Variants in TTLL7 observed in about 807,000 individuals in gnomAD.
TTLL7 encodes tubulin tyrosine ligase like 7, also known as tubulin polyglutamylase TTLL7.
Under a neutral mutation model 120.2 loss-of-function variants are expected in TTLL7, and 53 were observed. That is an observed-to-expected ratio of 0.44 (90% CI 0.35 to 0.55). The LOEUF is 0.55. Among genes scored for constraint, TTLL7 ranks in the 20% least tolerant of loss-of-function variants. The pLI is 0.00. For missense variants in TTLL7, 803 were observed against 1,054.7 expected, an observed-to-expected ratio of 0.76 and a Z score of 3.31; for synonymous variants, 353 against 351.7, an observed-to-expected ratio of 1.00 and a Z score of -0.04.
chr1:83,981,723 T>C lies in TTLL7; in HGVS notation c.-177+17208A>G, dbSNP rs191333179. ...GGCGGGCGCCTGTAGTCCCCGCTAC[T>C]CAGGAGGCTGAGGCAGGAGAATGGT... On this transcript the variant is annotated intron_variant, in intron 1 of 20. Transcript: ENST00000260505. 7.2e-5 allele frequency among the ~76,000 whole-genome samples: 11 copies of C among 151,824 alleles called. No individual in the cohort carries two copies. The East Asian group carries it at 2.1e-3, about 30-fold the overall frequency.
chr1:83,920,308 T>C (rs1267501886), intron 12 of TTLL7, among the ~76,000 whole-genome samples: 1 of 152,098 alleles, frequency 6.6e-6, no homozygotes, highest in East Asian at 1.9e-4. Flanking sequence ...CTGAACTTTA[T>C]AGGAGAGTGT....
intron 19 of TTLL7, among the ~76,000 whole-genome samples, chr1:83,888,918 C>T (rs1466371427): frequency 6.6e-6 from 1 of 151,894 alleles, no homozygotes; most frequent in Non-Finnish European, 1.5e-5. Context: ...ACAAAAATGC[C>T]TAGAAATCTA....
chr1:83,971,086 A>C (rs1650930521), intron 1 of TTLL7, among the ~76,000 whole-genome samples: 1 of 152,102 alleles, frequency 6.6e-6, no homozygotes, highest in Admixed American at 6.6e-5. Flanking sequence ...GAAAGCCTTC[A>C]AGCAAAGAAA....
At chr1:83,962,934 C>T (rs144546321) in intron 1 of TTLL7, among the ~76,000 whole-genome samples, 3 of 152,288 alleles carry the variant, frequency 2.0e-5, no homozygotes, top group Non-Finnish European at 4.4e-5. Context: ...CAGCTAAATG[C>T]ATCTCCTAAT....
In TTLL7 at chr1:83,936,238, G is replaced by A. The variant is rs144993643; in HGVS notation, c.888+1614C>T. ...TAAAACCAATACACGTAAAGCTAAT[G>A]ACCCTCATTATTCTCCCTGATTCTC... is the stretch of plus-strand genomic sequence containing the variant. On this transcript the variant is annotated intron_variant, in intron 8 of 20. Transcript: ENST00000260505. 1.2e-4 allele frequency among the ~76,000 whole-genome samples: 19 copies of A among 152,146 alleles called. No individual in the cohort carries two copies. The East Asian group carries it at 3.7e-3, about 29-fold the overall frequency.
In TTLL7 at chr1:83,865,597, A is replaced by G. The variant is rs746751355; in HGVS notation, c.*4365T>C. The G allele has an allele frequency of 6.6e-6, 1 of 151,994 alleles. No individual in the cohort carries two copies. The highest frequency in any genetic ancestry group is 1.9e-4 in the East Asian group (1 of 5,202). The allele number at this position is 151,994 out of a possible 1,614,324, so 9.4% of individuals were successfully genotyped here. ...GTGTGCAGTAAATTTTAATATACCA[A>G]TTTTGGTTGCAAGACTTATTTGTAG... On this transcript the variant is annotated 3_prime_UTR_variant, in exon 21 of 21. Coordinates refer to ENST00000260505, the MANE Select transcript of TTLL7 (RefSeq NM_024686.6).
At chr1:83,880,719 C>T (rs758364578) in intron 20 of TTLL7, among the ~76,000 whole-genome samples, 2 of 151,908 alleles carry the variant, frequency 1.3e-5, no homozygotes, top group African/African-American at 2.4e-5. Context: ...AATGACTTTC[C>T]TCACAGAATT....
chr1:83,934,222 T>C (rs1052758829), intron 8 of TTLL7, among the ~76,000 whole-genome samples: 4 of 152,172 alleles, frequency 2.6e-5, no homozygotes, highest in African/African-American at 9.6e-5. Context: ...CCTACAATAG[T>C]AGCTGGCATT....
rs927668296 is a variant in TTLL7 at position 83,890,508 on chromosome 1, A to G, written c.2209-27T>C. 4.4e-6 allele frequency: 7 copies of G among 1,582,254 alleles called. No individual in the cohort carries two copies. In the African/African-American group the frequency reaches 9.5e-5, roughly 21 times the overall value. On this transcript the variant is annotated intron_variant, in intron 18 of 20. Transcript: ENST00000260505. ...TAGTGGAAAAACCAAAGTACTTACAATCTAGGAATGTATATCTGTGTCTAA... is the reference window on the plus strand; with the variant it reads ...TAGTGGAAAAACCAAAGTACTTACAGTCTAGGAATGTATATCTGTGTCTAA...
intron 1 of TTLL7, among the ~76,000 whole-genome samples, chr1:83,985,403 C>G (rs1652350553): frequency 6.6e-6 from 1 of 152,206 alleles, no homozygotes; most frequent in Admixed American, 6.5e-5. Context: ...TTTGTTCTAG[C>G]CACACTGGCA....
chr1:83,880,768 A>G, intron 20 of TTLL7, among the ~76,000 whole-genome samples: 1 of 152,136 alleles, frequency 6.6e-6, no homozygotes, highest in Non-Finnish European at 1.5e-5. Flanking sequence ...AACCAAAAAG[A>G]GCCCGCATCG....
chr1:83,973,469 T>C (rs533074865), intron 1 of TTLL7, among the ~76,000 whole-genome samples: 1 of 152,200 alleles, frequency 6.6e-6, no homozygotes, highest in East Asian at 1.9e-4. Context: ...TCAATTGTTG[T>C]AGTTTTATAG....
At chr1:83,929,115 A>G (rs200828933) in intron 10 of TTLL7, 21 bp downstream of exon 10, 9 of 1,542,342 alleles carry the variant, frequency 5.8e-6, no homozygotes, top group Middle Eastern at 1.7e-4. Flanking sequence ...AAATGTCCAA[A>G]AGATAGAGAG....
At chr1:83,894,321 T>C (rs1473705513) in intron 18 of TTLL7, among the ~76,000 whole-genome samples, 4 of 152,124 alleles carry the variant, frequency 2.6e-5, no homozygotes, top group African/African-American at 4.8e-5. Context: ...TTATTGATAC[T>C]GGCAATTTTA....
chr1:83,879,130 G>C (rs1654218299), intron 20 of TTLL7, among the ~76,000 whole-genome samples: 1 of 151,794 alleles, frequency 6.6e-6, no homozygotes, highest in Non-Finnish European at 1.5e-5. Flanking sequence ...TAAATAAAAT[G>C]TGTCAATCTA....
chr1:83,980,689 GGAAAGA>G (rs1651875242), intron 1 of TTLL7: 2 of 152,090 alleles, frequency 1.3e-5, no homozygotes, highest in Non-Finnish European at 2.9e-5. Flanking sequence ...TCTTCAGAAA[GGAAAGA>G]ATAATAACAG....
chr1:83,945,055 A>G (rs1260767750), intron 6 of TTLL7, among the ~76,000 whole-genome samples: 1 of 152,222 alleles, frequency 6.6e-6, no homozygotes, highest in Non-Finnish European at 1.5e-5. Flanking sequence ...GAAAATATCT[A>G]TTTAACACAA....
chr1:83,993,447 G>C (rs1432487955), intron 1 of TTLL7, among the ~76,000 whole-genome samples: 4 of 152,168 alleles, frequency 2.6e-5, no homozygotes, highest in East Asian at 1.9e-4. Flanking sequence ...TGCAAAATAG[G>C]GGGTAAGAGA....
intron 1 of TTLL7, among the ~76,000 whole-genome samples, chr1:83,981,810 G>C (rs1313840948): frequency 6.7e-6 from 1 of 148,672 alleles, no homozygotes; most frequent in Non-Finnish European, 1.5e-5. Flanking sequence ...CAGCCTGGGC[G>C]ACAGAGCGAG....
Sources: gnomAD v4.1 joint callset for allele counts (sites outside exome capture counted in the v4.1 genomes callset) on GRCh38, gnomAD v4.1.1 for gene constraint, MANE v1.5 for transcripts, NCBI Gene and HGNC (gene_info 2026-07-23, HGNC 2026-07-21) for gene names.